The following SETBP1 variants were observed in gnomAD, a reference collection of about 807,000 sequenced individuals.
The protein encoded by SETBP1 is SET-binding protein.
Under a neutral mutation model 101.0 loss-of-function variants are expected in SETBP1, and 9 were observed. The ratio of observed to expected loss-of-function variants is 0.09; its 90% CI spans 0.05 to 0.16. The LOEUF (loss-of-function observed/expected upper bound fraction) is 0.16. Among genes scored for constraint, SETBP1 ranks in the 10% least tolerant of loss-of-function variants. SETBP1 has a pLI of 1.00. For missense variants in SETBP1, 1,858 were observed against 2,033.8 expected, an observed-to-expected ratio of 0.91 and a Z score of 1.66; for synonymous variants, 818 against 788.5, an observed-to-expected ratio of 1.04 and a Z score of -0.63.
chr18:44,950,245 C>G lies in SETBP1; in HGVS notation c.905C>G (p.Pro302Arg), dbSNP rs561483872. 6.2e-7 allele frequency: 1 copy of G among 1,614,028 alleles called. No homozygotes were observed. The highest frequency in any genetic ancestry group is 8.5e-7 in the Non-Finnish European group (1 of 1,180,030). The change falls in exon 4 of 6, where the codon CCC (proline) becomes CGC (arginine). Residue 302 changes from proline to arginine, a missense_variant. Pro to Arg is a moderately radical substitution (Grantham distance 103, BLOSUM62 -2). This residue lies in a region of SETBP1 where 581 missense variants were observed against 535.1 expected (regional missense o/e 1.09). Coordinates refer to ENST00000649279, the MANE Select transcript of SETBP1 (RefSeq NM_015559.3). Reference protein sequence around the residue: ...SPSSHSSPAPPSSSAECNGLQ... With the variant: ...SPSSHSSPAPRSSSAECNGLQ... ...AGCAGCCACAGCTCACCAGCCCCACCCAGCAGCTCTGCTGAGTGCAACGGG... is the reference window on the plus strand; with the variant it reads ...AGCAGCCACAGCTCACCAGCCCCACGCAGCAGCTCTGCTGAGTGCAACGGG...
chr18:44,972,359 G>A (rs541376388), intron 4 of SETBP1, among the ~76,000 whole-genome samples: 35 of 152,222 alleles, frequency 2.3e-4, no homozygotes, highest in Middle Eastern at 3.4e-3. Context: ...GGCGATGCGG[G>A]CTCTTTTTTG....
At chr18:44,774,738 A>C (rs1329710768) in intron 2 of SETBP1, among the ~76,000 whole-genome samples, 1 of 152,238 alleles carries the variant, frequency 6.6e-6, no homozygotes, top group Admixed American at 6.5e-5. Flanking sequence ...ATAGTTATAC[A>C]GTCTGGAAGG....
chr18:44,995,666 C>A (rs1481988005), intron 4 of SETBP1, among the ~76,000 whole-genome samples: 1 of 151,818 alleles, frequency 6.6e-6, no homozygotes, highest in Non-Finnish European at 1.5e-5. Flanking sequence ...TATCATGGTT[C>A]TGGAGGCTGG....
intron 4 of SETBP1, among the ~76,000 whole-genome samples, chr18:45,033,236 T>C (rs2073332741): frequency 6.6e-6 from 1 of 152,228 alleles, no homozygotes; most frequent in South Asian, 2.1e-4. Context: ...TTTACTGGTT[T>C]ACCCAAAAGT....
intron 4 of SETBP1, among the ~76,000 whole-genome samples, chr18:45,015,462 C>T (rs2072921840): frequency 6.6e-6 from 1 of 152,132 alleles, no homozygotes; most frequent in African/African-American, 2.4e-5. Context: ...TGCTTAGAAG[C>T]ACACTTAACC....
chr18:44,685,431 C>T (rs2068820662), intron 1 of SETBP1, among the ~76,000 whole-genome samples: 1 of 152,184 alleles, frequency 6.6e-6, no homozygotes, highest in Non-Finnish European at 1.5e-5. Context: ...GCAACTGATA[C>T]ACTGGGTTGC....
At position 44,706,591 on chromosome 18, in the gene SETBP1, CAAAAAAAAAAAAAAAAAAA is replaced by C. The variant is rs1018470585; in HGVS notation, c.486+4776_486+4794del. ...TGGGTGACAGAATGAGACTCAATCT[CAAAAAAAAAAAAAAAAAAA>C]AAAAAAAAAAAAAAAATTCCAGTAG... On this transcript the variant is annotated intron_variant, in intron 2 of 5. Transcript: ENST00000649279. 3.6e-3 allele frequency among the ~76,000 whole-genome samples: 61 copies of C among 16,988 alleles called. No individual in the cohort carries two copies. The East Asian group carries it at 0.057, about 16-fold the overall frequency. The allele number at this position is 16,988 out of a possible 152,430, so 11.1% of individuals were successfully genotyped here.
chr18:44,892,039 C>T (rs750960305), intron 3 of SETBP1, among the ~76,000 whole-genome samples: 10 of 152,020 alleles, frequency 6.6e-5, no homozygotes, highest in Non-Finnish European at 1.3e-4. Flanking sequence ...GAAGAAACAA[C>T]AGAAATTAAG....
intron 3 of SETBP1, among the ~76,000 whole-genome samples, chr18:44,940,144 G>C (rs903213565): frequency 6.6e-6 from 1 of 152,124 alleles, no homozygotes; most frequent in African/African-American, 2.4e-5. Flanking sequence ...CTCTGGGAAT[G>C]CTTTTTACTC....
At chr18:44,779,101 C>T (rs538197291) in intron 2 of SETBP1, among the ~76,000 whole-genome samples, 1 of 152,314 alleles carries the variant, frequency 6.6e-6, no homozygotes, top group South Asian at 2.1e-4. Context: ...TTTAATCTTC[C>T]TTAAGACAGG....
At chr18:44,851,592 C>T (rs193038297) in intron 2 of SETBP1, among the ~76,000 whole-genome samples, 7 of 152,224 alleles carry the variant, frequency 4.6e-5, no homozygotes, top group Non-Finnish European at 1.0e-4. Flanking sequence ...TTGTCCCTTT[C>T]TCTCTCCTGG....
chr18:44,796,883 T>G (rs1221585509), intron 2 of SETBP1, among the ~76,000 whole-genome samples: 1 of 152,200 alleles, frequency 6.6e-6, no homozygotes, highest in African/African-American at 2.4e-5. Context: ...GATGCTCTAC[T>G]GTAGCAAAAT....
chr18:44,851,723 A>G (rs1240165888), intron 2 of SETBP1, among the ~76,000 whole-genome samples: 1 of 152,080 alleles, frequency 6.6e-6, no homozygotes, highest in Non-Finnish European at 1.5e-5. Flanking sequence ...AGAGTGTTAG[A>G]ATCCTTCATG....
In SETBP1 at chr18:44,783,481, A is replaced by T. The variant is rs368188858; in HGVS notation, c.486+81649A>T. Among the ~76,000 whole-genome samples, 12 of 152,302 alleles carry T rather than the reference A, an allele frequency of 7.9e-5. No individual in the cohort carries two copies. The East Asian group carries it at 1.9e-3, about 24-fold the overall frequency. ...GTGTCCGTGGAGCTCCTTAGATGCA[A>T]TTTCTTTAACTCACAAAATAGAAAG... On this transcript the variant is annotated intron_variant, in intron 2 of 5. Coordinates refer to ENST00000649279, the MANE Select transcript of SETBP1 (RefSeq NM_015559.3).
chr18:44,886,161 T>C (rs1348663899), intron 3 of SETBP1, among the ~76,000 whole-genome samples: 2 of 152,166 alleles, frequency 1.3e-5, no homozygotes, highest in African/African-American at 4.8e-5. Context: ...AGAAAAGGAC[T>C]AAGCTATGTG....
chr18:45,035,604 G>A (rs1197114481), intron 4 of SETBP1, among the ~76,000 whole-genome samples: 1 of 152,166 alleles, frequency 6.6e-6, no homozygotes, highest in African/African-American at 2.4e-5. Context: ...TTCCCAAGTG[G>A]GAGTTAAATA....
At chr18:45,037,301 G>A (rs572480932) in intron 4 of SETBP1, among the ~76,000 whole-genome samples, 1 of 152,278 alleles carries the variant, frequency 6.6e-6, no homozygotes, top group Admixed American at 6.5e-5. Context: ...TGGGGTTGGA[G>A]GGAAGGTGCC....
chr18:44,680,704 G>T (rs2144069855), upstream of SETBP1, among the ~76,000 whole-genome samples: 1 of 152,210 alleles, frequency 6.6e-6, no homozygotes, highest in Non-Finnish European at 1.5e-5. Flanking sequence ...GGGCTGGAGG[G>T]CTGGGAGCTT....
chr18:45,034,023 A>G (rs1241966798), intron 4 of SETBP1, among the ~76,000 whole-genome samples: 2 of 152,226 alleles, frequency 1.3e-5, no homozygotes, highest in Non-Finnish European at 2.9e-5. Context: ...AACAACATAC[A>G]GCTTCTCTAA....
Sources: allele counts gnomAD v4.1 joint callset (sites outside exome capture counted in the v4.1 genomes callset), GRCh38; gene constraint gnomAD v4.1.1; regional missense constraint gnomAD v4.1.1; transcripts MANE v1.5; gene names NCBI Gene and HGNC (gene_info 2026-07-23, HGNC 2026-07-21).